The following ATP8B1 variants were observed in gnomAD, a reference collection of about 807,000 sequenced individuals.
ATP8B1 encodes phospholipid-transporting ATPase IC.
Under a neutral mutation model 149.9 loss-of-function variants are expected in ATP8B1, and 80 were observed. The observed-to-expected ratio is 0.53, with a 90% CI of 0.45 to 0.64. The LOEUF (loss-of-function observed/expected upper bound fraction) is 0.64. Among genes scored for constraint, ATP8B1 ranks in the 30% least tolerant of loss-of-function variants. The pLI, the probability that ATP8B1 is intolerant of heterozygous loss-of-function variation, is 0.00. For synonymous variants in ATP8B1, 536 were observed against 562.8 expected, an observed-to-expected ratio of 0.95 and a Z score of 0.67; for missense variants, 1,247 against 1,552.6, an observed-to-expected ratio of 0.80 and a Z score of 3.31.
At chr18:57,665,507 A>G (rs555255564) in intron 20 of ATP8B1, among the ~76,000 whole-genome samples, 1 of 152,292 alleles carries the variant, frequency 6.6e-6, no homozygotes, top group East Asian at 1.9e-4. Flanking sequence ...TTGAAGCCCA[A>G]AACTACTAAA....
chr18:57,694,406 A>G (rs953741736), intron 11 of ATP8B1, among the ~76,000 whole-genome samples, 176 bp downstream of exon 11: 1 of 152,150 alleles, frequency 6.6e-6, no homozygotes, highest in Non-Finnish European at 1.5e-5. Context: ...TCTGAGAAAA[A>G]GTAAGGCATT....
chr18:57,771,260 A>G (rs2080260625), intron 1 of ATP8B1, among the ~76,000 whole-genome samples: 1 of 152,226 alleles, frequency 6.6e-6, no homozygotes, highest in African/African-American at 2.4e-5. Context: ...CACCTCCTAA[A>G]ATCAAAATGG....
At chr18:57,791,310 T>G (rs1293530471) in intron 1 of ATP8B1, among the ~76,000 whole-genome samples, 1 of 152,040 alleles carries the variant, frequency 6.6e-6, no homozygotes, top group Non-Finnish European at 1.5e-5. Context: ...CCATGTAGCA[T>G]GTATTAAAAT....
chr18:57,695,543 G>C lies in ATP8B1; in HGVS notation c.699-11C>G. The C allele has an allele frequency of 6.3e-7, 1 of 1,597,322 alleles. No homozygotes were observed. The highest frequency in any genetic ancestry group is 8.6e-7 in the Non-Finnish European group (1 of 1,165,388). ...TTTAAATTGGTTTCTCTAAAGGAAT[G>C]GGGAAAAAATGAATTAAATGAACAA... On this transcript the variant is annotated splice_polypyrimidine_tract_variant and intron_variant, in intron 8 of 27. Coordinates refer to ENST00000648908, the MANE Select transcript of ATP8B1 (RefSeq NM_001374385.1).
At chr18:57,696,547 C>CAA (rs10639684) in intron 8 of ATP8B1, among the ~76,000 whole-genome samples, 70,288 of 145,480 alleles carry the variant, frequency 0.48, 17,675 homozygotes, top group East Asian at 0.85. Context: ...TTTTTTCCGC[C>CAA]AAAAAAAAAA....
intron 16 of ATP8B1, among the ~76,000 whole-genome samples, chr18:57,674,478 G>A (rs1465459625): frequency 2.8e-5 from 4 of 144,070 alleles, no homozygotes; most frequent in East Asian, 2.3e-4. Flanking sequence ...TCTGCCTCCC[G>A]GGTTCACGCC....
chr18:57,781,631 C>T (rs529774136), intron 1 of ATP8B1, among the ~76,000 whole-genome samples: 6 of 152,240 alleles, frequency 3.9e-5, no homozygotes, highest in East Asian at 1.9e-4. Context: ...GAAGAAGATA[C>T]GTGATCTCTC....
At chr18:57,706,461 G>T in intron 3 of ATP8B1, 29 bp downstream of exon 3, 1 of 1,594,346 alleles carries the variant, frequency 6.3e-7, no homozygotes, top group East Asian at 2.2e-5. Flanking sequence ...GCATTTTAAT[G>T]AAAACAATTC....
intron 26 of ATP8B1, among the ~76,000 whole-genome samples, chr18:57,651,386 G>C (rs959169798): frequency 5.3e-5 from 8 of 152,160 alleles, no homozygotes; most frequent in African/African-American, 1.9e-4. Flanking sequence ...GATTACAGGC[G>C]TGAGCTACCA....
In ATP8B1 at chr18:57,727,454, C is replaced by T. The variant is rs141797532; in HGVS notation, c.181+4173G>A. On this transcript the variant is annotated intron_variant, in intron 2 of 27. Coordinates refer to ENST00000648908, the MANE Select transcript of ATP8B1 (RefSeq NM_001374385.1). The stretch of plus-strand genomic sequence containing the variant: ...CCAACTAAATATTAATTCATAGATG[C>T]GCTAAAGACCCCACATTCTTAATTC... 3.9e-5 allele frequency among the ~76,000 whole-genome samples: 6 copies of T among 152,240 alleles called. No individual in the cohort carries two copies. In the East Asian group the frequency reaches 1.2e-3, roughly 29 times the overall value.
chr18:57,654,925 G>A (rs987587381), intron 23 of ATP8B1, among the ~76,000 whole-genome samples: 2 of 151,322 alleles, frequency 1.3e-5, no homozygotes, highest in African/African-American at 4.9e-5. Flanking sequence ...GACTTCAGGC[G>A]ATCCACCTGC....
In ATP8B1 at chr18:57,802,285, A is replaced by G. The variant is rs965361467; in HGVS notation, c.-26+713T>C. Among the ~76,000 whole-genome samples the G allele has an allele frequency of 2.6e-5, 4 of 152,138 alleles. No homozygotes were observed. Among genetic ancestry groups the G allele is most frequent in the Admixed American group, 2.0e-4 (3 of 15,278 alleles). On this transcript the variant is annotated intron_variant, in intron 1 of 27. Coordinates refer to ENST00000648908, the MANE Select transcript of ATP8B1 (RefSeq NM_001374385.1). This position sits in a 1 kb window ranked among gnomAD's most constrained non-coding sequence, Gnocchi z 4.9. ...ACACAGCGAGGTGACAGCGCAGGGC[A>G]CCAAACTGCTGAGGGAAGGAGATGC...
chr18:57,709,669 TTTTC>T (rs1366737389), intron 2 of ATP8B1, among the ~76,000 whole-genome samples: 1 of 151,100 alleles, frequency 6.6e-6, no homozygotes, highest in East Asian at 1.9e-4. Flanking sequence ...TTTTGTCCTT[TTTTC>T]TTTCTTTTTT....
intron 1 of ATP8B1, among the ~76,000 whole-genome samples, chr18:57,748,063 G>C (rs2079980973): frequency 1.3e-5 from 2 of 152,250 alleles, no homozygotes; most frequent in Middle Eastern, 3.4e-3. Context: ...GTGTGTCCAA[G>C]CTTCTCCTAC....
chr18:57,795,648 T>G (rs926099851), intron 1 of ATP8B1, among the ~76,000 whole-genome samples: 4 of 152,174 alleles, frequency 2.6e-5, no homozygotes, highest in Non-Finnish European at 4.4e-5. Flanking sequence ...CCTGAGGTAC[T>G]GTAGAATAGT....
intron 19 of ATP8B1, chr18:57,667,925 G>C: frequency 5.3e-6 from 2 of 379,524 alleles, no homozygotes; most frequent in Non-Finnish European, 8.6e-6. Flanking sequence ...TCTTGTGGAA[G>C]GCTTACAAAG....
chr18:57,696,547 C>CAACAAAA (rs1912821315), intron 8 of ATP8B1, among the ~76,000 whole-genome samples: 1 of 145,658 alleles, frequency 6.9e-6, no homozygotes, highest in Non-Finnish European at 1.5e-5. Flanking sequence ...TTTTTTCCGC[C>CAACAAAA]AAAAAAAAAA....
chr18:57,756,264 TG>T (rs2080079979), intron 1 of ATP8B1, among the ~76,000 whole-genome samples: 3 of 111,380 alleles, frequency 2.7e-5, no homozygotes, highest in South Asian at 5.8e-4. Flanking sequence ...TATATATATA[TG>T]AAATATTTAC....
At chr18:57,659,784 ATTC>A (rs1910274000) in intron 22 of ATP8B1, 3 of 152,272 alleles carry the variant, frequency 2.0e-5, no homozygotes, top group African/African-American at 7.2e-5. Flanking sequence ...AAGTTGGAAT[ATTC>A]TTAGTATACA....
Sources: gnomAD v4.1 joint callset for allele counts (sites outside exome capture counted in the v4.1 genomes callset) on GRCh38, gnomAD v4.1.1 for gene constraint, Gnocchi (gnomAD v3.1) non-coding constraint, MANE v1.5 for transcripts, NCBI Gene and HGNC (gene_info 2026-07-23, HGNC 2026-07-21) for gene names.